RAB31: variants seen among roughly 807,000 people sequenced by gnomAD.
RAB31 encodes the protein RAB31, member RAS oncogene family.
Under a neutral mutation model 25.6 loss-of-function variants are expected in RAB31, and 21 were observed. That is an observed-to-expected ratio of 0.82 (90% CI 0.58 to 1.18). The LOEUF (loss-of-function observed/expected upper bound fraction) is 1.18, where lower values mean the gene tolerates loss of function less well. Ranked by LOEUF, RAB31 falls within the 50% of genes most tolerant of loss-of-function variation. RAB31 has a pLI of 0.00. For synonymous variants in RAB31, 87 were observed against 84.0 expected, an observed-to-expected ratio of 1.04 and a Z score of -0.20; for missense variants, 196 against 250.1, an observed-to-expected ratio of 0.78 and a Z score of 1.46.
intron 1 of RAB31, among the ~76,000 whole-genome samples, chr18:9,759,369 C>G (rs1323587043): frequency 6.6e-6 from 1 of 151,870 alleles, no homozygotes; most frequent in East Asian, 1.9e-4. Flanking sequence ...CAGTGTCTCG[C>G]TATGTTGTCC....
intron 1 of RAB31, among the ~76,000 whole-genome samples, chr18:9,731,855 A>C (rs567691703): frequency 9.3e-4 from 141 of 152,166 alleles, no homozygotes; most frequent in Non-Finnish European, 1.6e-3. Context: ...CTCAGCTCCC[A>C]AAGTGCCTGG....
intron 1 of RAB31, among the ~76,000 whole-genome samples, chr18:9,773,295 A>C (rs1050726529): frequency 6.6e-6 from 1 of 152,218 alleles, no homozygotes; most frequent in African/African-American, 2.4e-5. Flanking sequence ...CAGTGTCTGA[A>C]GAAAACCACA....
chr18:9,710,512 T>C (rs922601919), intron 1 of RAB31, among the ~76,000 whole-genome samples: 3 of 152,172 alleles, frequency 2.0e-5, no homozygotes, highest in Admixed American at 6.5e-5. Context: ...GGAAGAACCA[T>C]GCCAAAGCAG....
At chr18:9,753,547 G>T (rs920507096) in intron 1 of RAB31, among the ~76,000 whole-genome samples, 1 of 152,168 alleles carries the variant, frequency 6.6e-6, no homozygotes, top group African/African-American at 2.4e-5. Context: ...AAATTACTCA[G>T]TTTCAGGTAC....
intron 3 of RAB31, among the ~76,000 whole-genome samples, chr18:9,799,677 G>A (rs1029071146): frequency 1.3e-5 from 2 of 152,100 alleles, no homozygotes; most frequent in Non-Finnish European, 1.5e-5. Flanking sequence ...TCTTGATACT[G>A]TCTGAATGTT....
intron 3 of RAB31, among the ~76,000 whole-genome samples, chr18:9,805,322 T>C (rs1366943765): frequency 6.6e-6 from 1 of 151,496 alleles, no homozygotes; most frequent in Non-Finnish European, 1.5e-5. Context: ...GGAATAAGAT[T>C]AAAATATCTG....
chr18:9,834,524 A>G (rs1267716680), intron 5 of RAB31, among the ~76,000 whole-genome samples: 1 of 152,218 alleles, frequency 6.6e-6, no homozygotes, highest in Non-Finnish European at 1.5e-5. Context: ...TGTCAGTCCT[A>G]TTGTGACAAT....
intron 5 of RAB31, among the ~76,000 whole-genome samples, chr18:9,830,013 T>C (rs1031718673): frequency 7.3e-5 from 11 of 150,950 alleles, no homozygotes; most frequent in African/African-American, 2.4e-4. Context: ...AAAATATTAT[T>C]ATTATTATTA....
chr18:9,752,902 C>T (rs371122420), intron 1 of RAB31, among the ~76,000 whole-genome samples: 6 of 152,310 alleles, frequency 3.9e-5, no homozygotes, highest in African/African-American at 1.4e-4. Context: ...ATACAAGGCA[C>T]AGATCATATC....
At chr18:9,846,610 A>G (rs2068763231) in intron 6 of RAB31, among the ~76,000 whole-genome samples, 2 of 152,186 alleles carry the variant, frequency 1.3e-5, no homozygotes, top group African/African-American at 4.8e-5. Flanking sequence ...TTAGCTCCAG[A>G]CAACTCCAGA....
chr18:9,722,428 A>T (rs1050687880), intron 1 of RAB31, among the ~76,000 whole-genome samples: 1 of 152,138 alleles, frequency 6.6e-6, no homozygotes, highest in Non-Finnish European at 1.5e-5. Context: ...AAGGGAATTA[A>T]ACCATGACAT....
At chr18:9,720,306 C>T (rs117045572) in intron 1 of RAB31, among the ~76,000 whole-genome samples, 3 of 152,290 alleles carry the variant, frequency 2.0e-5, no homozygotes, top group East Asian at 3.9e-4. Flanking sequence ...GGGTGCTATG[C>T]GGTAGTTTCT....
intron 6 of RAB31, among the ~76,000 whole-genome samples, chr18:9,846,014 A>T (rs539251576): frequency 6.6e-6 from 1 of 152,370 alleles, no homozygotes; most frequent in South Asian, 2.1e-4. Flanking sequence ...GAGAGAAAAT[A>T]GACAAGGTAT....
chr18:9,860,016 G>T lies in RAB31; in HGVS notation c.*691G>T, dbSNP rs941693667. Reference sequence around the variant, plus strand: ...AACTAAATTACTGCATATAATTTTGGGATTGGGTGGCCTAGTTTGAAAGAG... The same window carrying T: ...AACTAAATTACTGCATATAATTTTGTGATTGGGTGGCCTAGTTTGAAAGAG... On this transcript the variant is annotated 3_prime_UTR_variant, in exon 7 of 7. Coordinates refer to ENST00000578921, the MANE Select transcript of RAB31 (RefSeq NM_006868.4). The T allele has an allele frequency of 1.3e-5, 2 of 152,128 alleles. No individual in the cohort carries two copies. The highest frequency in any genetic ancestry group is 3.8e-4 in the East Asian group (2 of 5,196). The allele number at this position is 152,128 out of a possible 1,614,324, so 9.4% of individuals were successfully genotyped here. A position where few individuals can be genotyped will look rare whatever the true frequency, so the allele number is the denominator to read the frequency against.
chr18:9,786,460 C>G (rs2068433570), intron 2 of RAB31, among the ~76,000 whole-genome samples: 1 of 152,230 alleles, frequency 6.6e-6, no homozygotes. Context: ...GAACCCCAAC[C>G]TGAAGCCTGT....
At chr18:9,767,653 T>C (rs1186869013) in intron 1 of RAB31, among the ~76,000 whole-genome samples, 3 of 152,240 alleles carry the variant, frequency 2.0e-5, no homozygotes, top group Admixed American at 6.5e-5. Flanking sequence ...ATGTCTGCCA[T>C]GAGAGCAGGA....
chr18:9,781,123 G>A (rs1021087772), intron 2 of RAB31, among the ~76,000 whole-genome samples: 11 of 151,384 alleles, frequency 7.3e-5, no homozygotes, highest in East Asian at 1.9e-4. Flanking sequence ...ATTGTTTTTC[G>A]GAAAGGTTAT....
chr18:9,823,623 T>TA (rs754935553), intron 5 of RAB31, among the ~76,000 whole-genome samples: 11 of 152,120 alleles, frequency 7.2e-5, no homozygotes, highest in Non-Finnish European at 1.5e-4. Flanking sequence ...TTGATTTAGA[T>TA]AAAAATAATA....
At chr18:9,811,587 A>G (rs1012540428) in intron 3 of RAB31, among the ~76,000 whole-genome samples, 3 of 152,206 alleles carry the variant, frequency 2.0e-5, no homozygotes, top group Non-Finnish European at 4.4e-5. Context: ...TAAAAACCAT[A>G]TTATTTAAAA....
Sources: gnomAD v4.1 joint callset for allele counts (sites outside exome capture counted in the v4.1 genomes callset) on GRCh38, gnomAD v4.1.1 for gene constraint, MANE v1.5 for transcripts, NCBI Gene and HGNC (gene_info 2026-07-23, HGNC 2026-07-21) for gene names.